C1QTNF7: variants seen among roughly 807,000 people sequenced by gnomAD.
The protein encoded by C1QTNF7 is C1q and TNF related 7.
A neutral mutation model predicts 19.6 loss-of-function variants in C1QTNF7; 15 were observed. The ratio of observed to expected loss-of-function variants is 0.76; its 90% CI spans 0.51 to 1.18. C1QTNF7 has a LOEUF of 1.18. Ranked by LOEUF, C1QTNF7 falls within the 50% of genes most tolerant of loss-of-function variation. C1QTNF7 has a pLI of 0.00. For missense variants in C1QTNF7, 324 were observed against 359.7 expected (o/e 0.90, Z 0.80); for synonymous variants, 142 against 137.5 (o/e 1.03, Z -0.23).
At chr4:15,421,292 A>G (rs1172111510) in intron 1 of C1QTNF7, among the ~76,000 whole-genome samples, 1 of 152,146 alleles carries the variant, frequency 6.6e-6, no homozygotes, top group Non-Finnish European at 1.5e-5. Flanking sequence ...TGTCACAAAG[A>G]CACTCTCAAC....
chr4:15,349,408 G>A (rs578043722), intron 1 of C1QTNF7, among the ~76,000 whole-genome samples: 4 of 152,258 alleles, frequency 2.6e-5, no homozygotes, highest in Non-Finnish European at 4.4e-5. Context: ...CACAGTGCCC[G>A]GGATATAGTA....
chr4:15,434,750 G>A (rs1712461947), intron 1 of C1QTNF7, among the ~76,000 whole-genome samples: 1 of 152,128 alleles, frequency 6.6e-6, no homozygotes, highest in Non-Finnish European at 1.5e-5. Flanking sequence ...TTATGGGGGA[G>A]TCCTATTAGA....
intron 1 of C1QTNF7, among the ~76,000 whole-genome samples, chr4:15,348,256 A>G (rs979991817): frequency 9.2e-5 from 14 of 152,300 alleles, no homozygotes; most frequent in East Asian, 1.9e-4. Context: ...ATGTGGGTGT[A>G]AACATGTCAA....
intron 1 of C1QTNF7, among the ~76,000 whole-genome samples, chr4:15,406,088 G>A (rs1463390381): frequency 2.0e-5 from 3 of 152,112 alleles, no homozygotes; most frequent in Non-Finnish European, 2.9e-5. Flanking sequence ...TCTCTTAACT[G>A]CTTTCTGGTC....
At chr4:15,420,454 T>C (rs1711695378) in intron 1 of C1QTNF7, among the ~76,000 whole-genome samples, 1 of 152,130 alleles carries the variant, frequency 6.6e-6, no homozygotes, top group Admixed American at 6.6e-5. Flanking sequence ...CTAAACACTA[T>C]TGAAAGAAAA....
In C1QTNF7 at chr4:15,442,748, A is replaced by G. The variant is rs1409630750; in HGVS notation, c.819A>G (p.Leu273=). Reference sequence around the variant, plus strand: ...ACAGCTTATTCTCCGGGTTTCTCTTATACGTTGACACAGATTACCTAGATT... The same window carrying G: ...ACAGCTTATTCTCCGGGTTTCTCTTGTACGTTGACACAGATTACCTAGATT... The part of the protein sequence containing the change: ...WADSLFSGFL[L]YVDTDYLDSI... Residue 273 remains leucine, a synonymous_variant, in exon 3 of 3, where the codon TTA becomes TTG. Coordinates refer to ENST00000444304, the MANE Select transcript of C1QTNF7 (RefSeq NM_031911.5). 1 of 1,613,930 alleles carries G rather than the reference A, an allele frequency of 6.2e-7. No homozygotes were observed. Among genetic ancestry groups the G allele is most frequent in the Admixed American group, 1.7e-5 (1 of 60,010 alleles).
At chr4:15,409,990 A>G (rs1308244887) in intron 1 of C1QTNF7, among the ~76,000 whole-genome samples, 1 of 152,210 alleles carries the variant, frequency 6.6e-6, no homozygotes, top group African/African-American at 2.4e-5. Flanking sequence ...TCTTTGTCTC[A>G]TAAAACCAAG....
intron 1 of C1QTNF7, among the ~76,000 whole-genome samples, chr4:15,399,145 C>G (rs1183516797): frequency 1.3e-5 from 2 of 152,220 alleles, no homozygotes; most frequent in Non-Finnish European, 2.9e-5. Flanking sequence ...ACTCTCCCAA[C>G]TCCTGAGATC....
At chr4:15,388,106 TTC>T (rs1369279452) in intron 1 of C1QTNF7, among the ~76,000 whole-genome samples, 1 of 152,226 alleles carries the variant, frequency 6.6e-6, no homozygotes, top group Admixed American at 6.5e-5. Flanking sequence ...ATTGTATATC[TTC>T]TGATTACTTC....
chr4:15,412,060 G>T (rs540875646), intron 1 of C1QTNF7, among the ~76,000 whole-genome samples: 2 of 152,098 alleles, frequency 1.3e-5, no homozygotes, highest in African/African-American at 4.8e-5. Flanking sequence ...TCACAGGAGC[G>T]CAAACCCCAT....
chr4:15,365,015 C>T (rs1717465336), intron 1 of C1QTNF7, among the ~76,000 whole-genome samples: 1 of 152,116 alleles, frequency 6.6e-6, no homozygotes. Flanking sequence ...GGCTTCATCC[C>T]ACGTGAAATG....
chr4:15,363,798 T>G (rs1425245123), intron 1 of C1QTNF7, among the ~76,000 whole-genome samples: 1 of 152,186 alleles, frequency 6.6e-6, no homozygotes, highest in African/African-American at 2.4e-5. Context: ...TAAGACAATA[T>G]GAAGAAAGAA....
rs1247887387 is a variant in C1QTNF7 at position 15,352,490 on chromosome 4, G to C, written c.13+12283G>C. ...CTCCAAAACCTGTAAAATGACAAAAGCTGTGTGCTGAAAGATAATGTCCCA... is the reference window on the plus strand; with the variant it reads ...CTCCAAAACCTGTAAAATGACAAAACCTGTGTGCTGAAAGATAATGTCCCA... On this transcript the variant is annotated intron_variant, in intron 1 of 2. Coordinates refer to the C1QTNF7 transcript ENST00000295297. 5.4e-4 allele frequency among the ~76,000 whole-genome samples: 82 copies of C among 152,136 alleles called. 1 individual carries two copies. The highest frequency in any genetic ancestry group is 5.3e-3 in the Admixed American group (81 of 15,266).
intron 1 of C1QTNF7, among the ~76,000 whole-genome samples, chr4:15,349,125 G>A (rs1267588180): frequency 6.6e-6 from 1 of 152,162 alleles, no homozygotes; most frequent in Non-Finnish European, 1.5e-5. Context: ...TAAGCCTCTT[G>A]CCACACAGGA....
Position 15,442,507 on chromosome 4 carries a change from A to G in C1QTNF7, c.578A>G (p.Tyr193Cys). ...GKFICAFPGI[Y>C]YFSYDITLAN... ...TTCATCTGTGCTTTCCCAGGGATCT[A>G]TTACTTTTCTTATGATATCACATTG... Residue 193 changes from tyrosine (Y) to cysteine (C), a missense_variant, in exon 3 of 3, where the codon TAT becomes TGT. Physicochemically the swap from Tyr to Cys is radical, Grantham distance 194. Transcript: ENST00000444304. 6.2e-7 allele frequency: 1 copy of G among 1,614,174 alleles called. No individual in the cohort carries two copies. Among genetic ancestry groups the G allele is most frequent in the Non-Finnish European group, 8.5e-7 (1 of 1,180,016 alleles).
At position 15,388,676 on chromosome 4, in the gene C1QTNF7, G is replaced by A. The variant is rs115651694; in HGVS notation, c.14-47060G>A. 2.1e-3 allele frequency among the ~76,000 whole-genome samples: 323 copies of A among 152,286 alleles called. 2 individuals carry two copies. Among genetic ancestry groups the A allele is most frequent in the African/African-American group, 7.4e-3 (307 of 41,562 alleles). On this transcript the variant is annotated intron_variant, in intron 1 of 2. Coordinates refer to the C1QTNF7 transcript ENST00000295297. ...GGTAAGAGGCTGTGGTGGAGAGGAAGACAAGACCGTTGGAAGAAAAAAGGT... is the reference window on the plus strand; with the variant it reads ...GGTAAGAGGCTGTGGTGGAGAGGAAAACAAGACCGTTGGAAGAAAAAAGGT...
intron 1 of C1QTNF7, among the ~76,000 whole-genome samples, chr4:15,393,910 A>G (rs1718681151): frequency 1.3e-5 from 2 of 152,230 alleles, no homozygotes; most frequent in African/African-American, 4.8e-5. Flanking sequence ...TAATGAGGAT[A>G]GACAGATAAG....
chr4:15,379,750 T>C (rs967572811), intron 1 of C1QTNF7, among the ~76,000 whole-genome samples: 3 of 152,158 alleles, frequency 2.0e-5, no homozygotes, highest in Admixed American at 6.5e-5. Context: ...TCTTTGGAGG[T>C]CTATTAAAAC....
intron 1 of C1QTNF7, among the ~76,000 whole-genome samples, chr4:15,345,258 G>A (rs1209977609): frequency 1.3e-5 from 2 of 152,180 alleles, no homozygotes; most frequent in Non-Finnish European, 2.9e-5. Flanking sequence ...ATTATGCCCA[G>A]TCTTGTCTTG....
Sources: allele counts gnomAD v4.1 joint callset (sites outside exome capture counted in the v4.1 genomes callset), GRCh38; gene constraint gnomAD v4.1.1; transcripts MANE v1.5; gene names NCBI Gene and HGNC (gene_info 2026-07-23, HGNC 2026-07-21).